Variants in PTPRT observed in about 807,000 individuals in gnomAD.
PTPRT encodes receptor-type tyrosine-protein phosphatase T.
PTPRT carries 56 observed loss-of-function variants against 176.8 expected under a neutral mutation model. The ratio of observed to expected loss-of-function variants is 0.32; its 90% confidence interval spans 0.26 to 0.40. The LOEUF is 0.40. PTPRT is among the 10% of genes least tolerant of loss of function. The pLI, the probability that PTPRT is intolerant of heterozygous loss-of-function variation, is 1.00. For synonymous variants in PTPRT, 783 were observed against 739.0 expected, an observed-to-expected ratio of 1.06 and a Z score of -0.96; for missense variants, 1,540 against 1,908.2, an observed-to-expected ratio of 0.81 and a Z score of 3.60.
chr20:42,432,735 C>G (rs6030230), intron 9 of PTPRT, among the ~76,000 whole-genome samples: 1 of 151,974 alleles, frequency 6.6e-6, no homozygotes. Flanking sequence ...TTAGACAGAG[C>G]CTTACTCCTT....
intron 13 of PTPRT, among the ~76,000 whole-genome samples, chr20:42,249,625 G>A (rs909019547): frequency 2.0e-5 from 3 of 152,272 alleles, no homozygotes; most frequent in Admixed American, 1.3e-4. Flanking sequence ...GTTGCTAAAA[G>A]TCACATGGCT....
intron 16 of PTPRT, among the ~76,000 whole-genome samples, chr20:42,174,661 A>G (rs907757975): frequency 1.3e-5 from 2 of 152,188 alleles, no homozygotes; most frequent in African/African-American, 4.8e-5. Context: ...ATATTGAGGA[A>G]AACGGCAAGT....
At chr20:42,524,460 G>A (rs1052888026) in intron 7 of PTPRT, among the ~76,000 whole-genome samples, 1 of 151,870 alleles carries the variant, frequency 6.6e-6, no homozygotes, top group Non-Finnish European at 1.5e-5. Context: ...CGGATTTTTC[G>A]CTGTTTTCTG....
intron 9 of PTPRT, among the ~76,000 whole-genome samples, chr20:42,363,598 C>G (rs989434299): frequency 1.3e-5 from 2 of 151,884 alleles, no homozygotes; most frequent in African/African-American, 4.8e-5. Flanking sequence ...CCATGAGTCA[C>G]CGTGCCCGGC....
intron 11 of PTPRT, among the ~76,000 whole-genome samples, chr20:42,341,760 C>G (rs1037224659): frequency 6.6e-5 from 10 of 152,174 alleles, no homozygotes; most frequent in South Asian, 6.2e-4. Flanking sequence ...GTGAGCATGA[C>G]AACCACTCTT....
At position 42,948,343 on chromosome 20, in the gene PTPRT, A is replaced by G. The variant is rs1348268778; in HGVS notation, c.89-62411T>C. On this transcript the variant is annotated intron_variant, in intron 1 of 30. Transcript: ENST00000373187. ...ATTTGTATCTAGGAACACCCGGTTC[A>G]TCCTCTGGAGAACTACCCCTTCCCA... 2.6e-5 allele frequency among the ~76,000 whole-genome samples: 4 copies of G among 152,308 alleles called. No homozygotes were observed. In the East Asian group the frequency reaches 7.7e-4, roughly 29 times the overall value.
chr20:42,744,838 G>A (rs1321190678), intron 6 of PTPRT, among the ~76,000 whole-genome samples: 2 of 152,186 alleles, frequency 1.3e-5, no homozygotes, highest in East Asian at 3.9e-4. Context: ...GACTCTGAAA[G>A]GACATGCAGC....
chr20:42,338,972 C>T (rs2058076608), intron 11 of PTPRT, among the ~76,000 whole-genome samples: 1 of 152,100 alleles, frequency 6.6e-6, no homozygotes, highest in Non-Finnish European at 1.5e-5. Flanking sequence ...CAAAACTGGC[C>T]CGGGGGGACA....
At chr20:42,606,320 T>C (rs1001199797) in intron 7 of PTPRT, among the ~76,000 whole-genome samples, 1 of 152,168 alleles carries the variant, frequency 6.6e-6, no homozygotes, top group Non-Finnish European at 1.5e-5. Flanking sequence ...CCAGCAGATC[T>C]GGGACCTCAG....
At chr20:42,206,727 G>C (rs1202748674) in intron 15 of PTPRT, among the ~76,000 whole-genome samples, 4 of 152,260 alleles carry the variant, frequency 2.6e-5, no homozygotes. Context: ...CCATTGCCCA[G>C]GCTTGCTTAG....
chr20:43,043,140 G>A (rs1986693925), intron 1 of PTPRT, among the ~76,000 whole-genome samples: 1 of 152,100 alleles, frequency 6.6e-6, no homozygotes, highest in South Asian at 2.1e-4. Flanking sequence ...CCAAAGCGAG[G>A]TGCACCAGAT....
intron 1 of PTPRT, among the ~76,000 whole-genome samples, chr20:43,091,544 C>T (rs756654339): frequency 2.0e-5 from 3 of 151,288 alleles, no homozygotes; most frequent in Non-Finnish European, 2.9e-5. Context: ...CTCTCACACA[C>T]ACATACACAC....
At chr20:42,697,357 A>T (rs891238102) in intron 6 of PTPRT, among the ~76,000 whole-genome samples, 4 of 152,252 alleles carry the variant, frequency 2.6e-5, no homozygotes, top group African/African-American at 9.6e-5. Context: ...TGGTTAACCC[A>T]GTGTTTTATT....
intron 7 of PTPRT, among the ~76,000 whole-genome samples, chr20:42,535,499 A>T (rs1476414011): frequency 1.3e-5 from 2 of 152,220 alleles, no homozygotes; most frequent in Non-Finnish European, 2.9e-5. Context: ...CATATGATGT[A>T]AGTTGGTAGA....
chr20:42,904,035 A>C (rs900251188), intron 1 of PTPRT, among the ~76,000 whole-genome samples: 5 of 152,184 alleles, frequency 3.3e-5, no homozygotes, highest in African/African-American at 1.2e-4. Context: ...TAGGGCAGTC[A>C]CTAAGGTTCC....
chr20:42,218,980 G>A (rs1392492343), intron 15 of PTPRT, among the ~76,000 whole-genome samples: 1 of 152,234 alleles, frequency 6.6e-6, no homozygotes, highest in Non-Finnish European at 1.5e-5. Context: ...TTGCAATGGA[G>A]ATTCATGGTC....
rs60397646 is a variant in PTPRT, at chr20:42,277,884, T to TCATCCATCCATCCATCCATC, written c.2176+4585_2176+4604dup. Among the ~76,000 whole-genome samples the TCATCCATCCATCCATCCATC allele has an allele frequency of 5.0e-5, 7 of 139,788 alleles. No individual in the cohort carries two copies. The South Asian group carries it at 7.4e-4, about 15-fold the overall frequency. 91.7% of individuals were successfully genotyped at this position (139,788 alleles called of 152,430 possible). A position where few individuals can be genotyped will look rare whatever the true frequency, so the allele number is the denominator to read the frequency against. ...GAATAATGACCTGTTAGTCATCCACTCATCCATCCATCCATCCATCCATCC... is the reference window on the plus strand; with the variant it reads ...GAATAATGACCTGTTAGTCATCCACTCATCCATCCATCCATCCATCCATCCATCCATCCATCCATCCATCC... On this transcript the variant is annotated intron_variant, in intron 13 of 30. Coordinates refer to ENST00000373187, the MANE Select transcript of PTPRT (RefSeq NM_007050.6).
At chr20:42,754,150 T>C (rs1398231825) in intron 6 of PTPRT, among the ~76,000 whole-genome samples, 2 of 151,990 alleles carry the variant, frequency 1.3e-5, no homozygotes, top group Non-Finnish European at 2.9e-5. Flanking sequence ...ATAACCCCTG[T>C]GTCACATAAT....
At chr20:42,649,961 T>A (rs1193836479) in intron 7 of PTPRT, among the ~76,000 whole-genome samples, 1 of 152,090 alleles carries the variant, frequency 6.6e-6, no homozygotes, top group Non-Finnish European at 1.5e-5. Context: ...CCAACTGTGG[T>A]CCCCTTATAA....
Sources: allele counts gnomAD v4.1 joint callset (sites outside exome capture counted in the v4.1 genomes callset), GRCh38; gene constraint gnomAD v4.1.1; transcripts MANE v1.5; gene names NCBI Gene and HGNC (gene_info 2026-07-23, HGNC 2026-07-21).